KLHL24: variants seen among roughly 807,000 people sequenced by gnomAD.
KLHL24 encodes the protein kelch like family member 24, also known as kelch-like protein 24.
A neutral mutation model predicts 53.4 loss-of-function variants in KLHL24; 29 were observed. That is an observed-to-expected ratio of 0.54 (90% CI 0.40 to 0.74). The LOEUF (loss-of-function observed/expected upper bound fraction) is 0.74, where lower values mean the gene tolerates loss of function less well. Among genes scored for constraint, KLHL24 ranks in the 30% least tolerant of loss-of-function variants. KLHL24 has a pLI of 0.00. For missense variants in KLHL24, 504 were observed against 744.0 expected, an observed-to-expected ratio of 0.68 and a Z score of 3.75; for synonymous variants, 222 against 253.7, an observed-to-expected ratio of 0.88 and a Z score of 1.19.
intron 1 of KLHL24, chr3:183,636,618 G>T (rs921896743): frequency 1.3e-5 from 2 of 152,360 alleles, no homozygotes; most frequent in African/African-American, 2.4e-5. Flanking sequence ...CTGTTAACGC[G>T]GCGGGGATTG....
rs1028955604 is a variant in KLHL24 at position 183,650,192 on chromosome 3, A to T, written c.-61-104A>T. 18 of 601,300 alleles carry T rather than the reference A, an allele frequency of 3.0e-5. No homozygotes were observed. The highest frequency in any genetic ancestry group is 7.4e-5 in the African/African-American group (4 of 54,024). 37.2% of individuals were successfully genotyped at this position (601,300 alleles called of 1,614,324 possible). A position where few individuals can be genotyped will look rare whatever the true frequency, so the allele number is the denominator to read the frequency against. On this transcript the variant is annotated intron_variant, in intron 2 of 7. Coordinates refer to ENST00000242810, the MANE Select transcript of KLHL24 (RefSeq NM_017644.3). The surrounding 1 kb of genome is among the most constrained non-coding windows in gnomAD (Gnocchi z 4.5). ...GATAGTGCTGTGTACCCTATATGAA[A>T]TATATTATGTGATTTTGTTGTAGTG...
chr3:183,648,193 T>C (rs1300306288), intron 2 of KLHL24, among the ~76,000 whole-genome samples: 1 of 152,072 alleles, frequency 6.6e-6, no homozygotes, highest in African/African-American at 2.4e-5. Context: ...AAGTATCTAG[T>C]GAATATTGGA....
rs578233289 is a variant in KLHL24 at position 183,683,923 on chromosome 3, T to A, written c.*4637T>A. ...GTGTGGTTGCTTGGCAGAATGAGAA[T>A]GTTAAGGGAGATTGTTGGATGTTTG... On this transcript the variant is annotated 3_prime_UTR_variant, in exon 8 of 8. Transcript: ENST00000242810. The A allele has an allele frequency of 4.3e-4, 66 of 152,772 alleles. No individual in the cohort carries two copies. Among genetic ancestry groups the A allele is most frequent in the African/African-American group, 1.3e-3 (56 of 41,574 alleles). The allele number at this position is 152,772 out of a possible 1,614,324, so 9.5% of individuals were successfully genotyped here. A position where few individuals can be genotyped will look rare whatever the true frequency, so the allele number is the denominator to read the frequency against.
rs938706449 is a variant in KLHL24, at chr3:183,665,059, A to G, written c.1224+20A>G. On this transcript the variant is annotated intron_variant, in intron 5 of 7. Transcript: ENST00000242810. ...GGTAAAGTAAGAGAAACCACTTTTTATTACTATTGCTGGTACCTTTCCAAA... is the reference window on the plus strand; with the variant it reads ...GGTAAAGTAAGAGAAACCACTTTTTGTTACTATTGCTGGTACCTTTCCAAA... 2 of 1,238,056 alleles carry G rather than the reference A, an allele frequency of 1.6e-6. No homozygotes were observed. The highest frequency in any genetic ancestry group is 1.5e-5 in the African/African-American group (1 of 67,670). The allele number at this position is 1,238,056 out of a possible 1,614,324, so 76.7% of individuals were successfully genotyped here.
intron 1 of KLHL24, among the ~76,000 whole-genome samples, chr3:183,640,593 CTTTTTTCTTTTT>C (rs1716237282): frequency 6.9e-6 from 1 of 144,750 alleles, no homozygotes; most frequent in Admixed American, 6.9e-5. Flanking sequence ...TTTCTTTTTT[CTTTTTTCTTTTT>C]TTTTTTTTTT....
chr3:183,648,115 T>G (rs1428208958), intron 2 of KLHL24, among the ~76,000 whole-genome samples: 1 of 152,176 alleles, frequency 6.6e-6, no homozygotes, highest in Non-Finnish European at 1.5e-5. Flanking sequence ...AATAAATATT[T>G]GTTGATGATG....
chr3:183,668,635 G>A (rs1158049365), intron 5 of KLHL24, among the ~76,000 whole-genome samples: 3 of 152,246 alleles, frequency 2.0e-5, no homozygotes, highest in African/African-American at 7.2e-5. Context: ...TACCGGGTGC[G>A]GTGGCTCACG....
chr3:183,668,309 A>G (rs1720861381), intron 5 of KLHL24, among the ~76,000 whole-genome samples: 1 of 151,984 alleles, frequency 6.6e-6, no homozygotes, highest in African/African-American at 2.4e-5. Context: ...CTCAAAAACC[A>G]TGTATGTATT....
rs1206378892 is a variant in KLHL24 at position 183,669,511 on chromosome 3, G to T, written c.1225-1523G>T. Among the ~76,000 whole-genome samples the T allele has an allele frequency of 2.0e-5, 3 of 152,236 alleles. No individual in the cohort carries two copies. The South Asian group carries it at 6.2e-4, about 32-fold the overall frequency. On this transcript the variant is annotated intron_variant, in intron 5 of 7. Transcript: ENST00000242810. ...ACTCCATATAGCTGTGTGGACTTTT[G>T]TAAGTTACTTAACCTGTCTGAGCTG...
In KLHL24 at chr3:183,681,593, T is replaced by C. The variant is rs1419526939; in HGVS notation, c.*2307T>C. 1.3e-5 allele frequency: 2 copies of C among 152,328 alleles called. No individual in the cohort carries two copies. The highest frequency in any genetic ancestry group is 3.8e-4 in the East Asian group (2 of 5,206). 9.4% of individuals were successfully genotyped at this position (152,328 alleles called of 1,614,324 possible). ...TCTACATAATTTAAAACTACATAAA[T>C]TAAGTACTTAAAATTTATATTGAAG... On this transcript the variant is annotated 3_prime_UTR_variant, in exon 8 of 8. Transcript: ENST00000242810.
At chr3:183,657,754 T>C (rs1719114398) in intron 3 of KLHL24, among the ~76,000 whole-genome samples, 1 of 152,244 alleles carries the variant, frequency 6.6e-6, no homozygotes, top group Non-Finnish European at 1.5e-5. Context: ...TTATTGTTCA[T>C]TGTTTTGAAC....
chr3:183,664,715 A>G (rs377541859), intron 4 of KLHL24, among the ~76,000 whole-genome samples: 3 of 152,242 alleles, frequency 2.0e-5, no homozygotes, highest in African/African-American at 7.2e-5. Flanking sequence ...ACTTATCAAG[A>G]TAACAATTGG....
At chr3:183,636,843 C>T (rs896633879) in intron 1 of KLHL24, among the ~76,000 whole-genome samples, 19 of 151,754 alleles carry the variant, frequency 1.3e-4, no homozygotes, top group Non-Finnish European at 2.1e-4. Context: ...GCGCTCCCGC[C>T]CCTGCTGCGG....
intron 1 of KLHL24, among the ~76,000 whole-genome samples, chr3:183,640,914 TGTG>T (rs368580925): frequency 5.1e-4 from 77 of 152,122 alleles, no homozygotes; most frequent in African/African-American, 1.7e-3. Flanking sequence ...TCTGTTATCT[TGTG>T]GTGGGTAAAT....
intron 1 of KLHL24, chr3:183,636,490 G>C (rs1285354425): frequency 3.3e-5 from 5 of 152,244 alleles, no homozygotes; most frequent in African/African-American, 1.2e-4. Context: ...GGGGGAGCGG[G>C]CGTTCCGCCG....
rs560486345 is a variant in KLHL24, at chr3:183,683,305, A to G, written c.*4019A>G. ...AGATAATGTCTCTTTGAGGCTTCCT[A>G]TGGACTGCCTTTATTTTAGTAAACT... On this transcript the variant is annotated 3_prime_UTR_variant, in exon 8 of 8. Coordinates refer to ENST00000242810, the MANE Select transcript of KLHL24 (RefSeq NM_017644.3). The G allele has an allele frequency of 6.5e-6, 1 of 152,672 alleles. No individual in the cohort carries two copies. Among genetic ancestry groups the G allele is most frequent in the South Asian group, 2.1e-4 (1 of 4,828 alleles). 9.5% of individuals were successfully genotyped at this position (152,672 alleles called of 1,614,324 possible).
chr3:183,661,582 C>T (rs1054066832), intron 3 of KLHL24, among the ~76,000 whole-genome samples: 7 of 152,172 alleles, frequency 4.6e-5, no homozygotes, highest in African/African-American at 7.2e-5. Flanking sequence ...TTCAGATAGA[C>T]ACACATTCTA....
intron 2 of KLHL24, among the ~76,000 whole-genome samples, chr3:183,647,295 A>T (rs947366308): frequency 2.6e-5 from 4 of 152,038 alleles, no homozygotes; most frequent in African/African-American, 9.7e-5. Flanking sequence ...GCACGCCTGT[A>T]GTTCCAGTTA....
intron 5 of KLHL24, among the ~76,000 whole-genome samples, chr3:183,666,258 T>C (rs1720542946): frequency 7.6e-6 from 1 of 130,808 alleles, no homozygotes; most frequent in South Asian, 2.2e-4. Context: ...TGATTTTGGA[T>C]ATTTTTTTTT....
Sources: allele counts gnomAD v4.1 joint callset (sites outside exome capture counted in the v4.1 genomes callset), GRCh38; gene constraint gnomAD v4.1.1; non-coding constraint Gnocchi (gnomAD v3.1); transcripts MANE v1.5; gene names NCBI Gene and HGNC (gene_info 2026-07-23, HGNC 2026-07-21).